Variants in NPEPPS observed in about 807,000 individuals in gnomAD.
NPEPPS encodes the protein puromycin-sensitive aminopeptidase.
In NPEPPS, 14 loss-of-function variants were observed where a neutral mutation model predicts 115.5. That is an observed-to-expected ratio of 0.12 (90% CI 0.08 to 0.19). NPEPPS has a LOEUF of 0.19. NPEPPS is among the 10% of genes least tolerant of loss of function. NPEPPS has a pLI of 1.00. For missense variants in NPEPPS, 523 were observed against 1,110.8 expected, an observed-to-expected ratio of 0.47 and a Z score of 7.52; for synonymous variants, 285 against 390.6, an observed-to-expected ratio of 0.73 and a Z score of 3.19.
chr17:47,609,837 C>A (rs1056575652), intron 17 of NPEPPS, among the ~76,000 whole-genome samples: 1 of 152,122 alleles, frequency 6.6e-6, no homozygotes, highest in Non-Finnish European at 1.5e-5. Context: ...TGTTCTTATA[C>A]CTGGCCTCTC....
chr17:47,535,309 T>A (rs568118341), intron 1 of NPEPPS, among the ~76,000 whole-genome samples: 1 of 145,406 alleles, frequency 6.9e-6, no homozygotes, highest in Non-Finnish European at 1.5e-5. Context: ...CCCAGCACTT[T>A]GGGAGGCAGA....
chr17:47,591,518 C>T lies in NPEPPS; in HGVS notation c.1261-438C>T, dbSNP rs942551000. Among the ~76,000 whole-genome samples the T allele has an allele frequency of 3.9e-3, 595 of 152,178 alleles. 5 individuals carry two copies. The highest frequency in any genetic ancestry group is 6.9e-3 in the Non-Finnish European group (468 of 68,006). ...CTTTAATTCTCTTGACTTAGCCTAT[C>T]CCTACTTCAGTTTATATATATAAAT... On this transcript the variant is annotated intron_variant, in intron 10 of 22. Coordinates refer to ENST00000322157, the MANE Select transcript of NPEPPS (RefSeq NM_006310.4).
At chr17:47,594,896 T>C (rs1220706379) in intron 12 of NPEPPS, among the ~76,000 whole-genome samples, 1 of 150,516 alleles carries the variant, frequency 6.6e-6, no homozygotes, top group Non-Finnish European at 1.5e-5. Context: ...CCTCCCAAAG[T>C]GCTGGGATTA....
At chr17:47,557,936 G>GT (rs558714475) in intron 2 of NPEPPS, among the ~76,000 whole-genome samples, 2,481 of 132,966 alleles carry the variant, frequency 0.019, 43 homozygotes, top group Non-Finnish European at 0.024. Flanking sequence ...TTGATTCCAT[G>GT]TTTTTTTTTT....
chr17:47,554,953 A>T (rs1247494137), intron 2 of NPEPPS, among the ~76,000 whole-genome samples: 1 of 152,232 alleles, frequency 6.6e-6, no homozygotes, highest in Non-Finnish European at 1.5e-5. Context: ...AGAACAGTAC[A>T]GTTTAAAACT....
At chr17:47,589,933 T>C (rs150715232) in intron 9 of NPEPPS, among the ~76,000 whole-genome samples, 2,111 of 152,344 alleles carry the variant, frequency 0.014, 24 homozygotes, top group Non-Finnish European at 0.022. Flanking sequence ...TCTACATGAT[T>C]ATATTTTCCA....
chr17:47,571,515 G>A (rs1168659797), intron 3 of NPEPPS, among the ~76,000 whole-genome samples: 5 of 152,096 alleles, frequency 3.3e-5, no homozygotes, highest in African/African-American at 1.2e-4. Context: ...TCAGGAGATC[G>A]AGACCATCCT....
intron 14 of NPEPPS, 60 bp from the exon 15 acceptor site, chr17:47,601,548 C>T (rs1597879834): frequency 6.3e-7 from 1 of 1,598,856 alleles, no homozygotes; most frequent in African/African-American, 1.3e-5. Context: ...CACCACTCCT[C>T]TCTCCACCTT....
intron 3 of NPEPPS, 93 bp downstream of exon 3, chr17:47,569,587 T>C: frequency 1.3e-6 from 1 of 766,144 alleles, no homozygotes. Flanking sequence ...TTTCCCCTCA[T>C]TGTTATTAGC....
intron 2 of NPEPPS, among the ~76,000 whole-genome samples, chr17:47,548,015 G>A (rs1222529923): frequency 6.6e-6 from 1 of 152,114 alleles, no homozygotes; most frequent in African/African-American, 2.4e-5. Context: ...GACAGAGCGA[G>A]ACTCCGTCTC....
chr17:47,600,684 A>G (rs1163713997), intron 14 of NPEPPS, among the ~76,000 whole-genome samples: 2 of 152,180 alleles, frequency 1.3e-5, no homozygotes. Context: ...CTCCATTTCC[A>G]TGAATGTACT....
intron 21 of NPEPPS, 156 bp downstream of exon 21, chr17:47,619,320 G>A (rs1237510405): frequency 8.3e-6 from 6 of 718,654 alleles, no homozygotes; most frequent in Middle Eastern, 3.5e-4. Context: ...TTGGGACGCC[G>A]AGGTGGGCAG....
At chr17:47,621,025 G>T (rs1199307332) in intron 22 of NPEPPS, among the ~76,000 whole-genome samples, 1 of 151,732 alleles carries the variant, frequency 6.6e-6, no homozygotes, top group Admixed American at 6.6e-5. Flanking sequence ...TCTACAAAAA[G>T]GAAAAAACAA....
intron 22 of NPEPPS, 114 bp from the exon 23 acceptor site, chr17:47,621,654 C>T (rs1375526920): frequency 9.8e-6 from 10 of 1,016,266 alleles, no homozygotes; most frequent in Middle Eastern, 2.4e-4. Flanking sequence ...GGTAAATTCT[C>T]ATGCCTGAAG....
At chr17:47,566,833 G>A (rs574605181) in intron 2 of NPEPPS, among the ~76,000 whole-genome samples, 9 of 152,198 alleles carry the variant, frequency 5.9e-5, no homozygotes, top group Middle Eastern at 3.4e-3. Context: ...CCAGCACTTC[G>A]GGAGGCTGAG....
At chr17:47,568,417 C>T (rs561080582) in intron 2 of NPEPPS, among the ~76,000 whole-genome samples, 1 of 152,216 alleles carries the variant, frequency 6.6e-6, no homozygotes, top group Non-Finnish European at 1.5e-5. Context: ...GTGATCCACA[C>T]GCCTCGGCCT....
intron 1 of NPEPPS, among the ~76,000 whole-genome samples, chr17:47,535,016 G>A (rs1434754066): frequency 3.3e-5 from 5 of 151,362 alleles, no homozygotes; most frequent in Non-Finnish European, 7.4e-5. Flanking sequence ...AGGCCGAGGC[G>A]GGCGGATCAC....
In NPEPPS at chr17:47,620,042, G is replaced by A. The variant is rs906462336; in HGVS notation, c.2607+258G>A. 190 of 331,246 alleles carry A rather than the reference G, an allele frequency of 5.7e-4. 2 individuals carry two copies. Among genetic ancestry groups the A allele is most frequent in the East Asian group, 5.4e-4 (8 of 14,708 alleles). 20.5% of individuals were successfully genotyped at this position (331,246 alleles called of 1,614,324 possible). ...GAGGTCAGGACTTCAAGACCAGCCC[G>A]GGCAACATGGTGAAACCCCAAATTA... On this transcript the variant is annotated intron_variant, in intron 22 of 22. Transcript: ENST00000322157.
intron 1 of NPEPPS, among the ~76,000 whole-genome samples, chr17:47,523,592 T>A (rs1368665300): frequency 1.3e-5 from 2 of 152,000 alleles, no homozygotes; most frequent in Admixed American, 6.6e-5. Flanking sequence ...GGCAAATTTT[T>A]TTGCATTTCT....
Sources: allele counts gnomAD v4.1 joint callset (sites outside exome capture counted in the v4.1 genomes callset), GRCh38; gene constraint gnomAD v4.1.1; transcripts MANE v1.5; gene names NCBI Gene and HGNC (gene_info 2026-07-23, HGNC 2026-07-21).